Variants in SPAG16 observed in about 807,000 individuals in gnomAD.
SPAG16 encodes the protein sperm associated antigen 16.
Under a neutral mutation model 80.4 loss-of-function variants are expected in SPAG16, and 86 were observed. That is an observed-to-expected ratio of 1.07 (90% CI 0.90 to 1.28). The LOEUF (loss-of-function observed/expected upper bound fraction) is 1.28. Ranked by LOEUF, SPAG16 falls within the 50% of genes most tolerant of loss-of-function variation. The pLI is 0.00. For synonymous variants in SPAG16, 294 were observed against 265.9 expected, an observed-to-expected ratio of 1.11 and a Z score of -1.03; for missense variants, 870 against 765.3, an observed-to-expected ratio of 1.14 and a Z score of -1.61.
chr2:214,219,310 T>G (rs1285944239), intron 15 of SPAG16, among the ~76,000 whole-genome samples: 2 of 152,148 alleles, frequency 1.3e-5, no homozygotes, highest in African/African-American at 4.8e-5. Context: ...AAGTATTGAT[T>G]ATTGATTATA....
intron 10 of SPAG16, among the ~76,000 whole-genome samples, chr2:213,730,925 GA>G (rs1192139976): frequency 6.6e-6 from 1 of 152,132 alleles, no homozygotes; most frequent in Non-Finnish European, 1.5e-5. Flanking sequence ...TAGGCTCACT[GA>G]TTTTTTCCTT....
At chr2:214,188,022 TAAGAAGCCC>T (rs2057536512) in intron 15 of SPAG16, among the ~76,000 whole-genome samples, 1 of 152,050 alleles carries the variant, frequency 6.6e-6, no homozygotes, top group Non-Finnish European at 1.5e-5. Context: ...TCCAGAACCA[TAAGAAGCCC>T]AAGTTATGAG....
intron 13 of SPAG16, among the ~76,000 whole-genome samples, chr2:214,044,983 A>G (rs1339227391): frequency 8.5e-5 from 13 of 152,158 alleles, no homozygotes; most frequent in Non-Finnish European, 1.5e-5. Context: ...TGCAGCACCT[A>G]GGCAATTCCT....
intron 10 of SPAG16, among the ~76,000 whole-genome samples, chr2:213,742,325 A>T (rs529567372): frequency 6.6e-6 from 1 of 152,140 alleles, no homozygotes; most frequent in Non-Finnish European, 1.5e-5. Context: ...ATACAAGGAC[A>T]TTAGTATAGT....
intron 15 of SPAG16, among the ~76,000 whole-genome samples, chr2:214,397,268 G>A (rs535715872): frequency 3.4e-5 from 5 of 148,508 alleles, no homozygotes; most frequent in Admixed American, 6.9e-5. Context: ...CGATTCTCCT[G>A]CCTCAGCCTC....
At chr2:213,847,193 C>T (rs1421276112) in intron 10 of SPAG16, among the ~76,000 whole-genome samples, 1 of 152,128 alleles carries the variant, frequency 6.6e-6, no homozygotes, top group Non-Finnish European at 1.5e-5. Flanking sequence ...TAGACCCACC[C>T]CTCAGGATAA....
At chr2:214,007,039 C>T (rs963965609) in intron 12 of SPAG16, among the ~76,000 whole-genome samples, 5 of 151,930 alleles carry the variant, frequency 3.3e-5, no homozygotes, top group Non-Finnish European at 5.9e-5. Context: ...TGAATGTGTA[C>T]AGCATTTTAC....
intron 10 of SPAG16, among the ~76,000 whole-genome samples, chr2:213,547,814 GC>G (rs1266816473): frequency 2.6e-5 from 4 of 152,016 alleles, no homozygotes; most frequent in Non-Finnish European, 5.9e-5. Flanking sequence ...ATTCTTATTT[GC>G]CCTTATGTAC....
rs1047981129 is a variant in SPAG16, at chr2:214,124,328, T to A, written c.1593+16067T>A. Among the ~76,000 whole-genome samples the A allele has an allele frequency of 5.3e-5, 8 of 151,110 alleles. 1 individual carries two copies. Among genetic ancestry groups the A allele is most frequent in the Admixed American group, 4.2e-4 (6 of 14,316 alleles). On this transcript the variant is annotated intron_variant, in intron 14 of 15. Coordinates refer to ENST00000331683, the MANE Select transcript of SPAG16 (RefSeq NM_024532.5). ...ACCACTCAGACAACTGGTCTTCCAATACAGTAAAATCTCATTTAAACAGGT... is the reference window on the plus strand; with the variant it reads ...ACCACTCAGACAACTGGTCTTCCAAAACAGTAAAATCTCATTTAAACAGGT...
intron 15 of SPAG16, among the ~76,000 whole-genome samples, chr2:214,289,858 C>A (rs1334491275): frequency 6.6e-6 from 1 of 151,998 alleles, no homozygotes; most frequent in Non-Finnish European, 1.5e-5. Context: ...ATCCATAAGC[C>A]TGGGATACTG....
chr2:214,039,706 C>G (rs1176075273), intron 13 of SPAG16, among the ~76,000 whole-genome samples: 5 of 152,192 alleles, frequency 3.3e-5, no homozygotes, highest in Non-Finnish European at 2.9e-5. Flanking sequence ...TTCATTCATA[C>G]CATCTTCCCT....
intron 10 of SPAG16, among the ~76,000 whole-genome samples, chr2:213,661,013 C>G (rs1313442167): frequency 6.6e-6 from 1 of 152,134 alleles, no homozygotes; most frequent in African/African-American, 2.4e-5. Context: ...TGTCTCATTC[C>G]TTTGACTCTG....
chr2:213,833,487 TATATATAATATATATATTATATATA>T (rs2073837512), intron 10 of SPAG16, among the ~76,000 whole-genome samples: 1 of 2,130 alleles, frequency 4.7e-4, no homozygotes, highest in African/African-American at 8.8e-4. Flanking sequence ...ATATATATAT[TATATATAATATATATATTATATATA>T]ATATATATAA....
chr2:214,059,687 A>G (rs1490143363), intron 13 of SPAG16, among the ~76,000 whole-genome samples: 2 of 151,962 alleles, frequency 1.3e-5, no homozygotes, highest in Non-Finnish European at 2.9e-5. Flanking sequence ...ATTGGGAACT[A>G]TCACTTAAAG....
intron 13 of SPAG16, among the ~76,000 whole-genome samples, chr2:214,091,582 AG>A (rs2052212921): frequency 6.6e-6 from 1 of 152,180 alleles, no homozygotes; most frequent in African/African-American, 2.4e-5. Flanking sequence ...ACACTTATTC[AG>A]TGTATGCAAT....
intron 10 of SPAG16, among the ~76,000 whole-genome samples, chr2:213,726,363 CTTT>C (rs1461430446): frequency 1.3e-5 from 2 of 152,212 alleles, no homozygotes; most frequent in Non-Finnish European, 2.9e-5. Flanking sequence ...CATTAGGTAC[CTTT>C]CCTTTCTTGC....
intron 15 of SPAG16, among the ~76,000 whole-genome samples, chr2:214,353,183 A>C (rs567968220): frequency 1.3e-3 from 198 of 152,210 alleles, no homozygotes; most frequent in Admixed American, 2.2e-3. Context: ...AAATCTGTGG[A>C]AAAAATGCAG....
chr2:213,792,576 C>CTTTTTTTTT (rs11372174), intron 10 of SPAG16, among the ~76,000 whole-genome samples: 4 of 78,248 alleles, frequency 5.1e-5, no homozygotes, highest in Admixed American at 1.9e-4. Flanking sequence ...AAATGAGTAT[C>CTTTTTTTTT]TTTTTTTTTT....
At chr2:213,777,205 G>GTCAT in intron 10 of SPAG16, among the ~76,000 whole-genome samples, 1 of 145,426 alleles carries the variant, frequency 6.9e-6, no homozygotes, top group East Asian at 2.0e-4. Flanking sequence ...AAATCTTCTG[G>GTCAT]TCATTCTTCA....
Sources: allele counts gnomAD v4.1 joint callset (sites outside exome capture counted in the v4.1 genomes callset), GRCh38; gene constraint gnomAD v4.1.1; transcripts MANE v1.5; gene names NCBI Gene and HGNC (gene_info 2026-07-23, HGNC 2026-07-21).